DNAI4: variants seen among roughly 807,000 people sequenced by gnomAD.
DNAI4 encodes the protein dynein axonemal intermediate chain 4.
Under a neutral mutation model 105.8 loss-of-function variants are expected in DNAI4, and 85 were observed. The ratio of observed to expected loss-of-function variants is 0.80; its 90% confidence interval spans 0.67 to 0.96. DNAI4 has a LOEUF of 0.96. Ranked by LOEUF, DNAI4 falls within the 40% of genes least tolerant of loss-of-function variation. The pLI is 0.00. For missense variants in DNAI4, 1,014 were observed against 1,005.6 expected (o/e 1.01, Z -0.11); for synonymous variants, 352 against 331.5 (o/e 1.06, Z -0.67).
At chr1:66,849,547 T>G (rs1646352211) in intron 7 of DNAI4, among the ~76,000 whole-genome samples, 4 of 152,246 alleles carry the variant, frequency 2.6e-5, no homozygotes, top group Admixed American at 2.6e-4. Flanking sequence ...AATGTTAACT[T>G]GAATGGAAAA....
At position 66,876,154 on chromosome 1, in the gene DNAI4, T is replaced by A. The variant is rs78493774; in HGVS notation, c.644-1217A>T. 0.012 allele frequency among the ~76,000 whole-genome samples: 1,879 copies of A among 152,152 alleles called. 100 individuals carry two copies. The East Asian group carries it at 0.14, about 11-fold the overall frequency. On this transcript the variant is annotated intron_variant, in intron 4 of 16. Coordinates refer to ENST00000371026, the MANE Select transcript of DNAI4 (RefSeq NM_024763.5). ...TTTTATTTATATAAGTAAATTTGAC[T>A]AAGACAGACAAAATGAGTAAAGAAG...
chr1:66,919,590 T>C (rs954111816), intron 1 of DNAI4, among the ~76,000 whole-genome samples: 2 of 152,248 alleles, frequency 1.3e-5, no homozygotes, highest in African/African-American at 4.8e-5. Context: ...TACCTCCATG[T>C]GCCCACAAAG....
intron 2 of DNAI4, among the ~76,000 whole-genome samples, chr1:66,904,020 T>C (rs993493856): frequency 4.4e-4 from 66 of 150,888 alleles, no homozygotes; most frequent in Admixed American, 1.4e-3. Context: ...AGTTTGTGTG[T>C]GTATATATAC....
chr1:66,824,316 T>C (rs1202998852), intron 15 of DNAI4, among the ~76,000 whole-genome samples: 1 of 149,422 alleles, frequency 6.7e-6, no homozygotes, highest in East Asian at 1.9e-4. Flanking sequence ...ACTGTAGCCT[T>C]GTAGTATAGT....
chr1:66,908,239 C>A (rs1319792323), intron 1 of DNAI4, among the ~76,000 whole-genome samples: 1 of 152,216 alleles, frequency 6.6e-6, no homozygotes, highest in Non-Finnish European at 1.5e-5. Flanking sequence ...TCTGGACAAC[C>A]TGATGCTATG....
At position 66,924,754 on chromosome 1, in the gene DNAI4, G is replaced by A; in HGVS notation, c.78C>T (p.Gly26=). The change falls in exon 1 of 17, where the codon GGC becomes GGT. Residue 26 remains glycine (G), a synonymous_variant. Transcript: ENST00000371026. ...GGAWGYRDFR[G]GQKKGWCTTP... is the part of the protein sequence containing the mutation. The stretch of plus-strand genomic sequence containing the variant: ...TGGTGCACCACCCCTTTTTTTGGCC[G>A]CCTCTGAAGTCCCTGTACCCCCAAG... The A allele has an allele frequency of 6.2e-7, 1 of 1,614,046 alleles. No homozygotes were observed. The highest frequency in any genetic ancestry group is 8.5e-7 in the Non-Finnish European group (1 of 1,179,986).
intron 8 of DNAI4, among the ~76,000 whole-genome samples, chr1:66,846,129 G>C (rs1646270301): frequency 1.3e-5 from 2 of 151,942 alleles, no homozygotes; most frequent in African/African-American, 4.8e-5. Context: ...TTTACATTTT[G>C]TTTTGTAAAT....
Position 66,813,824 on chromosome 1 carries a change from T to G in DNAI4, c.*306A>C. On this transcript the variant is annotated 3_prime_UTR_variant, in exon 17 of 17. Coordinates refer to ENST00000371026, the MANE Select transcript of DNAI4 (RefSeq NM_024763.5). Reference sequence around the variant, plus strand: ...TTCGCTTCTATAGGTATAATAATTTTCTAACCCATTTAGACATTGTATAAG... The same window carrying G: ...TTCGCTTCTATAGGTATAATAATTTGCTAACCCATTTAGACATTGTATAAG... The G allele has an allele frequency of 4.8e-6, 1 of 207,362 alleles. No homozygotes were observed. 12.8% of individuals were successfully genotyped at this position (207,362 alleles called of 1,614,324 possible).
chr1:66,847,442 G>A (rs770356934), intron 8 of DNAI4, 42 bp downstream of exon 8: 1 of 1,567,424 alleles, frequency 6.4e-7, no homozygotes. Flanking sequence ...ATAAGCATAA[G>A]CAACTGCACC....
intron 2 of DNAI4, among the ~76,000 whole-genome samples, chr1:66,900,947 G>A (rs929881451): frequency 6.6e-6 from 1 of 152,150 alleles, no homozygotes; most frequent in African/African-American, 2.4e-5. Flanking sequence ...AGCAATGCAA[G>A]GACTTGTCTT....
intron 1 of DNAI4, among the ~76,000 whole-genome samples, chr1:66,910,894 A>G (rs1424871800): frequency 6.6e-6 from 1 of 152,170 alleles, no homozygotes; most frequent in Non-Finnish European, 1.5e-5. Flanking sequence ...CTCTCAAACC[A>G]CAACAATCAA....
chr1:66,835,594 A>C (rs1420493418), intron 11 of DNAI4, 32 bp downstream of exon 11: 3 of 1,603,676 alleles, frequency 1.9e-6, no homozygotes, highest in Non-Finnish European at 2.6e-6. Flanking sequence ...AAAAGCATGT[A>C]TTATACATTT....
At chr1:66,858,531 T>TTAAAAAAAA in intron 7 of DNAI4, among the ~76,000 whole-genome samples, 1 of 60,730 alleles carries the variant, frequency 1.6e-5, no homozygotes, top group Non-Finnish European at 2.7e-5. Flanking sequence ...AGACTCCGTC[T>TTAAAAAAAA]CAAAAAAAAA....
chr1:66,901,615 G>A (rs1289377408), intron 2 of DNAI4, among the ~76,000 whole-genome samples: 1 of 152,058 alleles, frequency 6.6e-6, no homozygotes, highest in East Asian at 1.9e-4. Flanking sequence ...GTCATTTGTG[G>A]ATGAGGACTT....
chr1:66,839,656 A>T (rs1333007621), intron 9 of DNAI4, among the ~76,000 whole-genome samples: 1 of 152,226 alleles, frequency 6.6e-6, no homozygotes, highest in Non-Finnish European at 1.5e-5. Context: ...GAACCAGTTT[A>T]TAAACCCCAG....
intron 2 of DNAI4, among the ~76,000 whole-genome samples, chr1:66,898,458 G>A (rs938904638): frequency 4.6e-5 from 7 of 152,152 alleles, no homozygotes; most frequent in African/African-American, 1.7e-4. Flanking sequence ...TGGGACTTTT[G>A]GGAGGTGACT....
intron 10 of DNAI4, among the ~76,000 whole-genome samples, chr1:66,836,469 A>C (rs1646029576): frequency 6.6e-6 from 1 of 152,190 alleles, no homozygotes; most frequent in South Asian, 2.1e-4. Flanking sequence ...CTAATCATCT[A>C]GCATATAATT....
At chr1:66,865,400 G>A (rs1307384926) in intron 6 of DNAI4, among the ~76,000 whole-genome samples, 2 of 152,006 alleles carry the variant, frequency 1.3e-5, no homozygotes, top group Non-Finnish European at 2.9e-5. Flanking sequence ...CTTCAACCTG[G>A]GTGTCAGAGC....
Position 66,833,875 on chromosome 1 carries a change from C to A in DNAI4, c.1891+116G>T, listed in dbSNP as rs958157775. ...ACTAGCTGCTTAGAAAAACCATGAC[C>A]AACCCAATTTTTTTCTTATTGGCCA... On this transcript the variant is annotated intron_variant, in intron 12 of 16. Transcript: ENST00000371026. 10 of 1,399,202 alleles carry A rather than the reference C, an allele frequency of 7.1e-6. No individual in the cohort carries two copies. The Admixed American group carries it at 1.1e-4, about 15-fold the overall frequency. The allele number at this position is 1,399,202 out of a possible 1,614,324, so 86.7% of individuals were successfully genotyped here.
Sources: allele counts gnomAD v4.1 joint callset (sites outside exome capture counted in the v4.1 genomes callset), GRCh38; gene constraint gnomAD v4.1.1; transcripts MANE v1.5; gene names NCBI Gene and HGNC (gene_info 2026-07-23, HGNC 2026-07-21).